The following AQP3 variants were observed in gnomAD, a reference collection of about 807,000 sequenced individuals.
The protein encoded by AQP3 is aquaporin-3.
Under a neutral mutation model 30.3 loss-of-function variants are expected in AQP3, and 15 were observed. The observed-to-expected ratio is 0.49, with a 90% CI of 0.33 to 0.76. The LOEUF (loss-of-function observed/expected upper bound fraction) is 0.76. Among genes scored for constraint, AQP3 ranks in the 30% least tolerant of loss-of-function variants. The pLI, the probability that AQP3 is intolerant of heterozygous loss-of-function variation, is 0.02. For missense variants in AQP3, 272 were observed against 384.8 expected, an observed-to-expected ratio of 0.71 and a Z score of 2.45; for synonymous variants, 153 against 163.2, an observed-to-expected ratio of 0.94 and a Z score of 0.47.
intron 5 of AQP3, 41 bp downstream of exon 5, chr9:33,442,260 G>A (rs1826847314): frequency 6.2e-7 from 1 of 1,611,490 alleles, no homozygotes; most frequent in Non-Finnish European, 8.5e-7. Context: ...CAGGGCAGAG[G>A]AGAGGCAGGC....
In AQP3 at chr9:33,442,519, C is replaced by T; in HGVS notation, c.493-1G>A. 6.2e-7 allele frequency: 1 copy of T among 1,603,178 alleles called. No homozygotes were observed. ...CGATAAGGGAGGCTGTGCCTATGAA[C>T]TGGGGAGTGGGGAGAACAGGGTGAG... is the stretch of plus-strand genomic sequence containing the variant. On this transcript the variant is annotated splice_acceptor_variant, in intron 4 of 5. Coordinates refer to ENST00000297991, the MANE Select transcript of AQP3 (RefSeq NM_004925.5). LOFTEE classifies it high-confidence loss of function.
In AQP3 at chr9:33,443,549, T is replaced by A. The variant is rs751960030; in HGVS notation, c.236-91A>T. 4.6e-6 allele frequency: 7 copies of A among 1,524,042 alleles called. No homozygotes were observed. Among genetic ancestry groups the A allele is most frequent in the Non-Finnish European group, 6.2e-6 (7 of 1,120,908 alleles). The allele number at this position is 1,524,042 out of a possible 1,614,324, so 94.4% of individuals were successfully genotyped here. ...GAGAAGGGGTGCAGAGAGGGGTTTC[T>A]TGCACAGGATGGCGGTTGGTCTATG... On this transcript the variant is annotated intron_variant, in intron 2 of 5. Coordinates refer to ENST00000297991, the MANE Select transcript of AQP3 (RefSeq NM_004925.5). This position sits in a 1 kb window ranked among gnomAD's most constrained non-coding sequence, Gnocchi z 5.0.
rs999347586 is a variant in AQP3 at position 33,443,970 on chromosome 9, A to G, written c.109-78T>C. 8.0e-5 allele frequency: 124 copies of G among 1,548,184 alleles called. 1 individual carries two copies. Among genetic ancestry groups the G allele is most frequent in the South Asian group, 4.6e-4 (39 of 84,258 alleles). On this transcript the variant is annotated intron_variant, in intron 1 of 5. Coordinates refer to ENST00000297991, the MANE Select transcript of AQP3 (RefSeq NM_004925.5). This position sits in a 1 kb window ranked among gnomAD's most constrained non-coding sequence, Gnocchi z 5.0. Reference sequence around the variant, plus strand: ...AGAAGGAAGGGGTGAAGCCAGCAACATGCCCACTCGCCACCACTGGGAGGA... The same window carrying G: ...AGAAGGAAGGGGTGAAGCCAGCAACGTGCCCACTCGCCACCACTGGGAGGA...
At position 33,443,253 on chromosome 9, in the gene AQP3, C is replaced by G. The variant is rs371850737; in HGVS notation, c.373+68G>C. On this transcript the variant is annotated intron_variant, in intron 3 of 5. Transcript: ENST00000297991. This position sits in a 1 kb window ranked among gnomAD's most constrained non-coding sequence, Gnocchi z 5.0. ...GTCCTAGCCGTCTGTCATCAAAAGG[C>G]CTGGTGCCAGCAGGTCCTGAACAGA... The G allele has an allele frequency of 1.9e-6, 3 of 1,548,338 alleles. No individual in the cohort carries two copies. Among genetic ancestry groups the G allele is most frequent in the African/African-American group, 2.7e-5 (2 of 73,040 alleles).
chr9:33,444,518 T>G (rs1826887894), intron 1 of AQP3, among the ~76,000 whole-genome samples: 2 of 149,864 alleles, frequency 1.3e-5, no homozygotes, highest in Non-Finnish European at 3.0e-5. Flanking sequence ...GAGAATCACT[T>G]GAAAATGGGA....
At position 33,442,626 on chromosome 9, in the gene AQP3, C is replaced by T; in HGVS notation, c.493-108G>A. Reference sequence around the variant, plus strand: ...TCTTAAACTCTTGTCAGCGCCCGCCCATGCTCTTCTCCTGAAAGCAATGGT... The same window carrying T: ...TCTTAAACTCTTGTCAGCGCCCGCCTATGCTCTTCTCCTGAAAGCAATGGT... On this transcript the variant is annotated intron_variant, in intron 4 of 5. Coordinates refer to ENST00000297991, the MANE Select transcript of AQP3 (RefSeq NM_004925.5). The T allele has an allele frequency of 2.4e-6, 3 of 1,239,286 alleles. 1 individual carries two copies. The South Asian group carries it at 3.9e-5, about 16-fold the overall frequency. The allele number at this position is 1,239,286 out of a possible 1,614,324, so 76.8% of individuals were successfully genotyped here.
intron 1 of AQP3, among the ~76,000 whole-genome samples, chr9:33,446,741 G>A (rs902234110): frequency 6.6e-6 from 1 of 152,156 alleles, no homozygotes; most frequent in Non-Finnish European, 1.5e-5. Context: ...CTGCACAGAC[G>A]CTGACAGCAT....
intron 1 of AQP3, among the ~76,000 whole-genome samples, chr9:33,444,304 AG>A (rs1448188292): frequency 1.3e-5 from 2 of 152,144 alleles, no homozygotes; most frequent in South Asian, 2.1e-4. Context: ...GCTGCCCCAA[AG>A]AAAAGCTCAT....
chr9:33,447,381 AGGGCTG>A, intron 1 of AQP3, 36 bp downstream of exon 1: 1 of 1,504,558 alleles, frequency 6.6e-7, no homozygotes, highest in Non-Finnish European at 9.1e-7. Flanking sequence ...GGGGAGTGCA[AGGGCTG>A]GAGAGAGAAG....
At chr9:33,445,568 C>T (rs957577803) in intron 1 of AQP3, among the ~76,000 whole-genome samples, 11 of 152,120 alleles carry the variant, frequency 7.2e-5, no homozygotes, top group African/African-American at 2.7e-4. Flanking sequence ...CTTGGGAGGC[C>T]CTGGCAGCAG....
In AQP3 at chr9:33,441,870, T is replaced by C; in HGVS notation, c.*173A>G. The C allele has an allele frequency of 9.1e-7, 1 of 1,095,352 alleles. No individual in the cohort carries two copies. The highest frequency in any genetic ancestry group is 1.3e-6 in the Non-Finnish European group (1 of 762,032). 67.9% of individuals were successfully genotyped at this position (1,095,352 alleles called of 1,614,324 possible). ...AGGGGCAGTGGCCTAAGGTGCTATT[T>C]GGGCAAGGTCCAGTGGAAATCCTGA... On this transcript the variant is annotated 3_prime_UTR_variant, in exon 6 of 6. Coordinates refer to ENST00000297991, the MANE Select transcript of AQP3 (RefSeq NM_004925.5).
At position 33,443,267 on chromosome 9, in the gene AQP3, G is replaced by A; in HGVS notation, c.373+54C>T. On this transcript the variant is annotated intron_variant, in intron 3 of 5. Coordinates refer to ENST00000297991, the MANE Select transcript of AQP3 (RefSeq NM_004925.5). The surrounding 1 kb of genome is among the most constrained non-coding windows in gnomAD (Gnocchi z 5.0). ...TCATCAAAAGGCCTGGTGCCAGCAGGTCCTGAACAGAGGGACGGGGGTAGT... is the reference window on the plus strand; with the variant it reads ...TCATCAAAAGGCCTGGTGCCAGCAGATCCTGAACAGAGGGACGGGGGTAGT... 2 of 1,555,900 alleles carry A rather than the reference G, an allele frequency of 1.3e-6. No homozygotes were observed. Among genetic ancestry groups the A allele is most frequent in the African/African-American group, 1.4e-5 (1 of 73,418 alleles).
chr9:33,445,226 C>T (rs1826898301), intron 1 of AQP3, among the ~76,000 whole-genome samples: 1 of 152,182 alleles, frequency 6.6e-6, no homozygotes, highest in Admixed American at 6.5e-5. Context: ...GCCCTGAGCC[C>T]CCTGAGTGTC....
chr9:33,445,120 G>A (rs1418841699), intron 1 of AQP3, among the ~76,000 whole-genome samples: 1 of 152,158 alleles, frequency 6.6e-6, no homozygotes, highest in Non-Finnish European at 1.5e-5. Flanking sequence ...AACATAGTGA[G>A]ACTTTGTCTC....
chr9:33,447,521 G>C lies in AQP3; in HGVS notation c.10C>G (p.Gln4Glu). MGRQKELVSRCGEM... is the reference protein window; with the variant it reads MGREKELVSRCGEM... ...CCGCAGCGGGACACCAGCTCCTTCT[G>C]TCGACCCATGGCGGGGCAGGCGGCG... The change falls in exon 1 of 6, where the codon CAG becomes GAG. Residue 4 changes from glutamine (Q) to glutamate (E), a missense_variant. Transcript: ENST00000297991. 1.2e-6 allele frequency: 2 copies of C among 1,605,614 alleles called. No homozygotes were observed. Among genetic ancestry groups the C allele is most frequent in the Non-Finnish European group, 1.7e-6 (2 of 1,176,258 alleles).
intron 1 of AQP3, among the ~76,000 whole-genome samples, chr9:33,444,118 G>A (rs1826882581): frequency 6.6e-6 from 1 of 152,176 alleles, no homozygotes; most frequent in Non-Finnish European, 1.5e-5. Context: ...CTATGGAAAG[G>A]GCTGGAAGCA....
Position 33,443,020 on chromosome 9 carries a change from G to T in AQP3, c.374-50C>A. 1 of 1,544,548 alleles carries T rather than the reference G, an allele frequency of 6.5e-7. No individual in the cohort carries two copies. Among genetic ancestry groups the T allele is most frequent in the South Asian group, 1.1e-5 (1 of 89,592 alleles). Reference sequence around the variant, plus strand: ...GAGTCGGGGGAGAGGCCTGAGCCCAGACTTCCCTCTCAGGTGTGCCCTCCC... The same window carrying T: ...GAGTCGGGGGAGAGGCCTGAGCCCATACTTCCCTCTCAGGTGTGCCCTCCC... On this transcript the variant is annotated intron_variant, in intron 3 of 5. Coordinates refer to ENST00000297991, the MANE Select transcript of AQP3 (RefSeq NM_004925.5). This position sits in a 1 kb window ranked among gnomAD's most constrained non-coding sequence, Gnocchi z 5.0.
At position 33,441,916 on chromosome 9, in the gene AQP3, A is replaced by G; in HGVS notation, c.*127T>C. On this transcript the variant is annotated 3_prime_UTR_variant, in exon 6 of 6. Coordinates refer to ENST00000297991, the MANE Select transcript of AQP3 (RefSeq NM_004925.5). ...CCTGAAGGGGCTGTCTCGTGGGGTG[A>G]GGGTAGATAGGGAGCTCCTTAGCCT... 1 of 1,405,088 alleles carries G rather than the reference A, an allele frequency of 7.1e-7. No individual in the cohort carries two copies. The highest frequency in any genetic ancestry group is 9.7e-7 in the Non-Finnish European group (1 of 1,031,928). The allele number at this position is 1,405,088 out of a possible 1,614,324, so 87.0% of individuals were successfully genotyped here.
chr9:33,443,059 G>A lies in AQP3; in HGVS notation c.374-89C>T. 7.8e-7 allele frequency: 1 copy of A among 1,288,510 alleles called. No individual in the cohort carries two copies. Among genetic ancestry groups the A allele is most frequent in the East Asian group, 2.3e-5 (1 of 42,834 alleles). The allele number at this position is 1,288,510 out of a possible 1,614,324, so 79.8% of individuals were successfully genotyped here. A position where few individuals can be genotyped will look rare whatever the true frequency, so the allele number is the denominator to read the frequency against. ...GTGTGCCCTCCCCACCCTCCCATGA[G>A]TTATGGGTAAGTAGCAATACTGCTG... is the stretch of plus-strand genomic sequence containing the variant. On this transcript the variant is annotated intron_variant, in intron 3 of 5. Coordinates refer to ENST00000297991, the MANE Select transcript of AQP3 (RefSeq NM_004925.5). The surrounding 1 kb of genome is among the most constrained non-coding windows in gnomAD (Gnocchi z 5.0).
Sources: allele counts gnomAD v4.1 joint callset (sites outside exome capture counted in the v4.1 genomes callset), GRCh38; gene constraint gnomAD v4.1.1; non-coding constraint Gnocchi (gnomAD v3.1); transcripts MANE v1.5; gene names NCBI Gene and HGNC (gene_info 2026-07-23, HGNC 2026-07-21).